The following BABAM2 variants were observed in gnomAD, a reference collection of about 807,000 sequenced individuals.
BABAM2 encodes BRISC and BRCA1-A complex member 2.
In BABAM2, 31 loss-of-function variants were observed where a neutral mutation model predicts 54.7. The ratio of observed to expected loss-of-function variants is 0.57; its 90% confidence interval spans 0.43 to 0.77. The LOEUF (loss-of-function observed/expected upper bound fraction) is 0.77. Among genes scored for constraint, BABAM2 ranks in the 30% least tolerant of loss-of-function variants. The probability of loss-of-function intolerance (pLI) is 0.00; values close to 1 mark genes in which losing one functional copy is unlikely to be tolerated. For missense variants in BABAM2, 364 were observed against 455.8 expected (o/e 0.80, Z 1.83); for synonymous variants, 167 against 162.9 (o/e 1.03, Z -0.19).
intron 11 of BABAM2, among the ~76,000 whole-genome samples, chr2:28,303,829 A>C (rs1688298523): frequency 6.6e-6 from 1 of 152,144 alleles, no homozygotes; most frequent in Non-Finnish European, 1.5e-5. Flanking sequence ...TTAGTTTCTC[A>C]GAAATTTTTA....
At chr2:28,102,737 TGC>T (rs1411688396) in intron 6 of BABAM2, among the ~76,000 whole-genome samples, 1 of 152,204 alleles carries the variant, frequency 6.6e-6, no homozygotes, top group Non-Finnish European at 1.5e-5. Context: ...CATTACAATG[TGC>T]GAACAGACAA....
At chr2:27,927,073 T>C (rs564004822) in intron 2 of BABAM2, among the ~76,000 whole-genome samples, 124 of 152,340 alleles carry the variant, frequency 8.1e-4, no homozygotes, top group African/African-American at 3.0e-3. Context: ...TTAACAAATC[T>C]CTTCCTATCC....
intron 4 of BABAM2, among the ~76,000 whole-genome samples, chr2:27,990,813 T>A (rs1451468128): frequency 2.0e-5 from 3 of 152,056 alleles, no homozygotes; most frequent in Admixed American, 6.5e-5. Context: ...GTAATATATA[T>A]AATCTTTTAT....
chr2:28,213,149 C>T (rs1374060259), intron 7 of BABAM2, among the ~76,000 whole-genome samples: 2 of 151,982 alleles, frequency 1.3e-5, no homozygotes, highest in Admixed American at 1.3e-4. Context: ...ATCACTTGAG[C>T]CCAGGACATG....
intron 6 of BABAM2, among the ~76,000 whole-genome samples, chr2:28,109,184 C>CTTT (rs764380110): frequency 0.015 from 1,574 of 101,860 alleles, 63 homozygotes; most frequent in African/African-American, 0.037. Flanking sequence ...GACACATACT[C>CTTT]TTTTTTTTTT....
chr2:27,977,957 T>TA (rs1671716099), intron 3 of BABAM2, among the ~76,000 whole-genome samples: 1 of 152,160 alleles, frequency 6.6e-6, no homozygotes, highest in Non-Finnish European at 1.5e-5. Context: ...TTCAGAGAGA[T>TA]ATTAAATTTC....
At chr2:28,028,279 G>A (rs1242431318) in intron 5 of BABAM2, among the ~76,000 whole-genome samples, 1 of 152,156 alleles carries the variant, frequency 6.6e-6, no homozygotes, top group Non-Finnish European at 1.5e-5. Flanking sequence ...AAGAAGGAGT[G>A]TGTGAGCAAG....
rs1221651824 is a variant in BABAM2 at position 28,038,872 on chromosome 2, C to T, written c.496-6853C>T. 4.6e-5 allele frequency among the ~76,000 whole-genome samples: 7 copies of T among 152,172 alleles called. No individual in the cohort carries two copies. The East Asian group carries it at 7.7e-4, about 17-fold the overall frequency. The stretch of plus-strand genomic sequence containing the variant: ...AAGTGGAGGTGTCCTTTTGGTAGAG[C>T]GATTTATTTTCCTTTGGGTATGTAC... On this transcript the variant is annotated intron_variant, in intron 5 of 11. Coordinates refer to ENST00000379624, the MANE Select transcript of BABAM2 (RefSeq NM_199191.3).
chr2:28,275,582 T>G (rs1685808682), intron 10 of BABAM2, among the ~76,000 whole-genome samples: 1 of 152,158 alleles, frequency 6.6e-6, no homozygotes, highest in Non-Finnish European at 1.5e-5. Flanking sequence ...CTTAGTTGTG[T>G]GTCTAGAGAA....
At chr2:27,986,864 C>T (rs1291302083) in intron 3 of BABAM2, among the ~76,000 whole-genome samples, 5 of 151,948 alleles carry the variant, frequency 3.3e-5, no homozygotes, top group African/African-American at 4.8e-5. Flanking sequence ...GTTAGATTGT[C>T]GATAAACTAA....
rs958547075 is a variant in BABAM2 at position 28,257,032 on chromosome 2, A to G, written c.934+12170A>G. 6.6e-5 allele frequency among the ~76,000 whole-genome samples: 10 copies of G among 152,268 alleles called. No homozygotes were observed. The South Asian group carries it at 2.1e-3, about 32-fold the overall frequency. ...TACTTTACAGCAATACATGTCCAGT[A>G]TTGTACTGTTGGCATCTCAGTACTG... On this transcript the variant is annotated intron_variant, in intron 10 of 11. Coordinates refer to ENST00000379624, the MANE Select transcript of BABAM2 (RefSeq NM_199191.3).
intron 11 of BABAM2, among the ~76,000 whole-genome samples, chr2:28,306,721 G>A (rs1234943623): frequency 6.6e-6 from 1 of 151,018 alleles, no homozygotes; most frequent in Non-Finnish European, 1.5e-5. Context: ...TTTTGAGACA[G>A]AGTCTCACTC....
At position 28,250,766 on chromosome 2, in the gene BABAM2, A is replaced by T. The variant is rs560767105; in HGVS notation, c.934+5904A>T. Among the ~76,000 whole-genome samples the T allele has an allele frequency of 2.6e-5, 4 of 151,734 alleles. No homozygotes were observed. In the South Asian group the frequency reaches 8.3e-4, roughly 32 times the overall value. On this transcript the variant is annotated intron_variant, in intron 10 of 11. Transcript: ENST00000379624. ...AGGCATGTGCCACCACTCCCGGCTA[A>T]TTTTTTGTGTTTTTAGTAGAGACAG...
intron 11 of BABAM2, chr2:28,327,260 A>T: frequency 6.3e-7 from 1 of 1,592,680 alleles, no homozygotes; most frequent in Non-Finnish European, 8.6e-7. Context: ...CCTCCTTCTC[A>T]TCTGCTGCAC....
intron 11 of BABAM2, among the ~76,000 whole-genome samples, chr2:28,328,477 T>A (rs995805645): frequency 6.6e-6 from 1 of 152,182 alleles, no homozygotes; most frequent in African/African-American, 2.4e-5. Flanking sequence ...CCTGAACCAC[T>A]TCTCCTACCA....
intron 6 of BABAM2, among the ~76,000 whole-genome samples, chr2:28,113,509 A>G (rs1274951328): frequency 1.3e-5 from 2 of 151,984 alleles, no homozygotes; most frequent in East Asian, 1.9e-4. Flanking sequence ...ATTGGTCTGT[A>G]TATCTATTTT....
chr2:27,940,841 A>T (rs1032448216), intron 3 of BABAM2, among the ~76,000 whole-genome samples: 2 of 152,204 alleles, frequency 1.3e-5, no homozygotes, highest in Non-Finnish European at 2.9e-5. Context: ...GCTGGTAGAC[A>T]TAGTCGCCAG....
At chr2:28,111,989 T>A (rs1289700494) in intron 6 of BABAM2, among the ~76,000 whole-genome samples, 2 of 152,086 alleles carry the variant, frequency 1.3e-5, no homozygotes, top group Non-Finnish European at 2.9e-5. Context: ...TAGCTTACTA[T>A]TTAGCATTAT....
intron 10 of BABAM2, among the ~76,000 whole-genome samples, chr2:28,285,104 C>T (rs1280107634): frequency 1.3e-5 from 2 of 152,198 alleles, no homozygotes; most frequent in Non-Finnish European, 2.9e-5. Context: ...TGCCATCCCT[C>T]CCATCCTTAG....
Sources: allele counts gnomAD v4.1 joint callset (sites outside exome capture counted in the v4.1 genomes callset), GRCh38; gene constraint gnomAD v4.1.1; transcripts MANE v1.5; gene names NCBI Gene and HGNC (gene_info 2026-07-23, HGNC 2026-07-21).